The following FERRY3 variants were observed in gnomAD, a reference collection of about 807,000 sequenced individuals.
FERRY3 encodes protein C12orf4.
chr12:4,519,427 C>T, the FERRY3 span, among the ~76,000 whole-genome samples: 1 of 152,098 alleles, frequency 6.6e-6, no homozygotes, highest in African/African-American at 2.4e-5. This position sits in a 1 kb window ranked among gnomAD's most constrained non-coding sequence, Gnocchi z 4.3. Context: ...TTTCTTTTTG[C>T]TCTCCTCTTT....
the FERRY3 span, chr12:4,490,714 G>C: frequency 1.4e-6 from 1 of 694,716 alleles, no homozygotes; most frequent in Non-Finnish European, 2.4e-6. Context: ...GTAGCCATTT[G>C]CTCGTAGGAT....
the FERRY3 span, chr12:4,490,508 T>C: frequency 1.9e-6 from 3 of 1,586,346 alleles, no homozygotes; most frequent in Admixed American, 3.4e-5. Flanking sequence ...GTGAGATCTA[T>C]TCAGATAACA....
At chr12:4,532,899 C>T in the FERRY3 span, among the ~76,000 whole-genome samples, 8 of 152,262 alleles carry the variant, frequency 5.3e-5, no homozygotes, top group East Asian at 1.9e-4. Context: ...TGCCTGCAGT[C>T]GGGCTTTAGA....
chr12:4,517,238 AT>A, the FERRY3 span: 2 of 1,440,610 alleles, frequency 1.4e-6, no homozygotes, highest in Non-Finnish European at 1.8e-6. Context: ...ACTATCAAAT[AT>A]TTAGTATTTA....
At chr12:4,517,171 T>G in the FERRY3 span, 1 of 1,551,408 alleles carries the variant, frequency 6.4e-7, no homozygotes, top group Non-Finnish European at 8.7e-7. Context: ...AGTGCATTCT[T>G]GGCAAACTGT....
chr12:4,490,076 G>A, the FERRY3 span, among the ~76,000 whole-genome samples: 74 of 152,088 alleles, frequency 4.9e-4, no homozygotes, highest in African/African-American at 6.7e-4. Context: ...CTGGTTTTCC[G>A]GCTCCATCTT....
chr12:4,517,083 C>T, the FERRY3 span: 1 of 1,567,984 alleles, frequency 6.4e-7, no homozygotes, highest in Non-Finnish European at 8.6e-7. Context: ...TCAATTTACT[C>T]CTGCGCTGGG....
the FERRY3 span, among the ~76,000 whole-genome samples, chr12:4,501,136 CAACT>C: frequency 6.6e-6 from 1 of 152,116 alleles, no homozygotes; most frequent in African/African-American, 2.4e-5. Flanking sequence ...AATCTACCAC[CAACT>C]ATTTTCAGTT....
At chr12:4,521,697 AAAACAAAC>A in the FERRY3 span, among the ~76,000 whole-genome samples, 1 of 152,246 alleles carries the variant, frequency 6.6e-6, no homozygotes, top group African/African-American at 2.4e-5. Context: ...CGTTGTAAGA[AAAACAAAC>A]AAACAAACAA....
the FERRY3 span, among the ~76,000 whole-genome samples, chr12:4,513,096 AACAG>A: frequency 1.8e-5 from 1 of 55,464 alleles, no homozygotes; most frequent in South Asian, 8.2e-4. Context: ...ATACACCAAC[AACAG>A]ACAAACAGAG....
At chr12:4,516,085 TGAC>T in the FERRY3 span, among the ~76,000 whole-genome samples, 1 of 152,178 alleles carries the variant, frequency 6.6e-6, no homozygotes, top group Non-Finnish European at 1.5e-5. Context: ...TTCATTTAAC[TGAC>T]TTCATGCTAC....
the FERRY3 span, among the ~76,000 whole-genome samples, chr12:4,521,551 C>A: frequency 6.6e-6 from 1 of 152,180 alleles, no homozygotes; most frequent in Admixed American, 6.5e-5. Context: ...GAAAGGTAGA[C>A]AACACACAAG....
the FERRY3 span, chr12:4,534,370 C>T: frequency 6.9e-7 from 1 of 1,456,382 alleles, no homozygotes; most frequent in Non-Finnish European, 9.1e-7. Flanking sequence ...TTTTACTTGG[C>T]TGAGAATTCC....
At chr12:4,520,695 C>G in the FERRY3 span, among the ~76,000 whole-genome samples, 4 of 152,132 alleles carry the variant, frequency 2.6e-5, no homozygotes, top group Admixed American at 6.5e-5. Flanking sequence ...GATGGATGCA[C>G]CAAAATCTTA....
the FERRY3 span, among the ~76,000 whole-genome samples, chr12:4,496,285 C>T: frequency 6.6e-6 from 1 of 152,162 alleles, no homozygotes; most frequent in Admixed American, 6.6e-5. Flanking sequence ...AGAAGAATGA[C>T]TTATTCAATG....
the FERRY3 span, among the ~76,000 whole-genome samples, chr12:4,509,634 G>A: frequency 7.0e-6 from 1 of 142,682 alleles, no homozygotes; most frequent in South Asian, 2.2e-4. Context: ...CCCGGCAGGG[G>A]TACACTGACA....
the FERRY3 span, among the ~76,000 whole-genome samples, chr12:4,521,672 A>G: frequency 6.6e-6 from 1 of 152,236 alleles, no homozygotes; most frequent in Admixed American, 6.5e-5. Flanking sequence ...ACCTGACACC[A>G]AAACCAAATG....
the FERRY3 span, among the ~76,000 whole-genome samples, chr12:4,532,763 T>C: frequency 5.9e-5 from 9 of 152,180 alleles, no homozygotes; most frequent in African/African-American, 1.2e-4. Context: ...TTCACTTCTT[T>C]CCCTATGTAG....
At chr12:4,500,224 C>T in the FERRY3 span, 10 of 1,613,720 alleles carry the variant, frequency 6.2e-6, no homozygotes, top group Non-Finnish European at 8.5e-6. Context: ...TTTCGGAGTC[C>T]CATAATGGCA....
Sources: gnomAD v4.1 joint callset for allele counts (sites outside exome capture counted in the v4.1 genomes callset) on GRCh38, gnomAD v4.1.1 for gene constraint, Gnocchi (gnomAD v3.1) non-coding constraint, MANE v1.5 for transcripts, NCBI Gene and HGNC (gene_info 2026-07-23, HGNC 2026-07-21) for gene names.